Variants in DLGAP2 observed in about 807,000 individuals in gnomAD.
DLGAP2 encodes the protein disks large-associated protein 2.
A neutral mutation model predicts 100.3 loss-of-function variants in DLGAP2; 26 were observed. That is an observed-to-expected ratio of 0.26 (90% CI 0.19 to 0.36). The LOEUF (loss-of-function observed/expected upper bound fraction) is 0.36, where lower values mean the gene tolerates loss of function less well. Ranked by LOEUF, DLGAP2 falls within the 10% of genes least tolerant of loss-of-function variation. The pLI is 1.00. For synonymous variants in DLGAP2, 886 were observed against 630.1 expected, an observed-to-expected ratio of 1.41 and a Z score of -6.08; for missense variants, 1,858 against 1,453.2, an observed-to-expected ratio of 1.28 and a Z score of -4.53.
intron 2 of DLGAP2, among the ~76,000 whole-genome samples, chr8:1,228,356 C>G (rs1337575499): frequency 1.3e-5 from 2 of 152,178 alleles, no homozygotes; most frequent in African/African-American, 4.8e-5. Context: ...TTCAGATGGT[C>G]TCACTGGTGA....
At chr8:1,242,438 T>G (rs4976875) in intron 2 of DLGAP2, among the ~76,000 whole-genome samples, 119,038 of 152,170 alleles carry the variant, frequency 0.78, 46,919 homozygotes, top group Middle Eastern at 0.9. Context: ...CCGTCTGTTC[T>G]TTCCTGGCCA....
chr8:1,664,405 C>G (rs1798492272), intron 8 of DLGAP2, among the ~76,000 whole-genome samples: 1 of 152,296 alleles, frequency 6.6e-6, no homozygotes, highest in East Asian at 1.9e-4. Context: ...ACCCCAGTCT[C>G]TCTCTGGGCA....
At chr8:920,614 G>A (rs1289896551) in intron 2 of DLGAP2, among the ~76,000 whole-genome samples, 1 of 151,902 alleles carries the variant, frequency 6.6e-6, no homozygotes, top group African/African-American at 2.4e-5. Context: ...AGCCAGGTGT[G>A]GTGGTGCCCG....
chr8:1,134,806 A>T (rs1408395461), intron 2 of DLGAP2, among the ~76,000 whole-genome samples: 2 of 152,082 alleles, frequency 1.3e-5, no homozygotes, highest in Non-Finnish European at 2.9e-5. Context: ...CACAGAAAAA[A>T]ACACCATTTA....
At chr8:1,600,519 T>G (rs746870703) in intron 6 of DLGAP2, among the ~76,000 whole-genome samples, 1 of 152,238 alleles carries the variant, frequency 6.6e-6, no homozygotes, top group Non-Finnish European at 1.5e-5. Flanking sequence ...TAATCTAATG[T>G]AGGATTGGTC....
intron 3 of DLGAP2, among the ~76,000 whole-genome samples, chr8:1,322,348 C>G (rs996552744): frequency 9.2e-5 from 14 of 152,216 alleles, no homozygotes; most frequent in African/African-American, 1.4e-4. Flanking sequence ...ATAAATACAA[C>G]AAAGGCAAAT....
chr8:1,574,907 G>T (rs1802897474), intron 6 of DLGAP2, among the ~76,000 whole-genome samples: 1 of 152,222 alleles, frequency 6.6e-6, no homozygotes, highest in African/African-American at 2.4e-5. Context: ...GAGTCTTGAA[G>T]ATGTTTCTTC....
intron 1 of DLGAP2, among the ~76,000 whole-genome samples, chr8:818,120 A>C (rs949894096): frequency 2.6e-5 from 4 of 151,976 alleles, no homozygotes; most frequent in Non-Finnish European, 5.9e-5. Context: ...CCACCAGGTG[A>C]GGGGCAGGGA....
Position 1,639,726 on chromosome 8 carries a change from G to A in DLGAP2, c.1810+6680G>A, listed in dbSNP as rs77241576. 1.1e-3 allele frequency among the ~76,000 whole-genome samples: 173 copies of A among 152,330 alleles called. 3 individuals carry two copies. The East Asian group carries it at 0.03, about 26-fold the overall frequency. On this transcript the variant is annotated intron_variant, in intron 8 of 14. Coordinates refer to ENST00000637795, the MANE Select transcript of DLGAP2 (RefSeq NM_001346810.2). The stretch of plus-strand genomic sequence containing the variant: ...TGGGGCTAGCGTCAAACATCAGGTC[G>A]TTCTGGAGGCTTCCGGGGAGCCCGC...
chr8:1,166,233 C>G (rs1376832243), intron 2 of DLGAP2, among the ~76,000 whole-genome samples: 2 of 152,184 alleles, frequency 1.3e-5, no homozygotes, highest in Non-Finnish European at 1.5e-5. Context: ...TCCTTCTACC[C>G]TCCTGCTGCC....
At chr8:826,256 T>A (rs1184345760) in intron 1 of DLGAP2, among the ~76,000 whole-genome samples, 1 of 152,232 alleles carries the variant, frequency 6.6e-6, no homozygotes, top group Non-Finnish European at 1.5e-5. Context: ...TTCCAGATCT[T>A]GGCTGTTGTA....
intron 3 of DLGAP2, among the ~76,000 whole-genome samples, chr8:1,330,997 G>A (rs567517703): frequency 8.3e-5 from 11 of 132,836 alleles, no homozygotes; most frequent in Non-Finnish European, 1.4e-4. Context: ...TGGGAGCACC[G>A]CTTCATGGGG....
At position 737,695 on chromosome 8, in the gene DLGAP2, C is replaced by A; in HGVS notation, c.-113C>A. On this transcript the variant is annotated 5_prime_UTR_variant, in exon 1 of 15. Coordinates refer to ENST00000637795, the MANE Select transcript of DLGAP2 (RefSeq NM_001346810.2). ...GCGCCTGCGGCGGCGAACGGACGGACGGACCGCGGACGGACGTACTGACCC... is the reference window on the plus strand; with the variant it reads ...GCGCCTGCGGCGGCGAACGGACGGAAGGACCGCGGACGGACGTACTGACCC... The A allele has an allele frequency of 2.7e-6, 1 of 368,698 alleles. No homozygotes were observed. The highest frequency in any genetic ancestry group is 4.8e-6 in the Non-Finnish European group (1 of 206,648). The allele number at this position is 368,698 out of a possible 1,614,324, so 22.8% of individuals were successfully genotyped here.
At chr8:1,194,309 G>T (rs1797704084) in intron 2 of DLGAP2, among the ~76,000 whole-genome samples, 1 of 152,124 alleles carries the variant, frequency 6.6e-6, no homozygotes, top group South Asian at 2.1e-4. Flanking sequence ...GACGTTGGCA[G>T]TGCCGCGTCC....
In DLGAP2 at chr8:1,565,742, C is replaced by T; in HGVS notation, c.1290C>T (p.Cys430=). ...PTGGKDEEIP[C]RRMRSGSYIK... ...GTGGCAAAGATGAGGAGATTCCCTG[C>T]AGGAGAATGAGAAGTGGGAGTTACA... Residue 430 remains cysteine (C), a synonymous_variant, in exon 6 of 15, where the codon TGC becomes TGT. Coordinates refer to ENST00000637795, the MANE Select transcript of DLGAP2 (RefSeq NM_001346810.2). The T allele has an allele frequency of 1.2e-6, 2 of 1,613,720 alleles. No homozygotes were observed. Among genetic ancestry groups the T allele is most frequent in the Non-Finnish European group, 1.7e-6 (2 of 1,179,820 alleles).
chr8:1,255,632 G>GCCC (rs1799184319), intron 2 of DLGAP2, among the ~76,000 whole-genome samples: 1 of 140,960 alleles, frequency 7.1e-6, no homozygotes. Flanking sequence ...CTGTGTGTGT[G>GCCC]TGTCCTCATC....
chr8:1,196,275 T>G (rs12676586), intron 2 of DLGAP2, among the ~76,000 whole-genome samples: 1 of 152,012 alleles, frequency 6.6e-6, no homozygotes, highest in Admixed American at 6.6e-5. Context: ...CTGCATAGAG[T>G]AAAGCATTTG....
intron 3 of DLGAP2, among the ~76,000 whole-genome samples, chr8:1,472,132 C>CGCAGAGCAGGACAT (rs1798820149): frequency 6.6e-6 from 1 of 152,196 alleles, no homozygotes; most frequent in Non-Finnish European, 1.5e-5. Context: ...ACAGTGAGAA[C>CGCAGAGCAGGACAT]GCAGAGCAGG....
At chr8:1,036,109 C>T (rs1229787986) in intron 2 of DLGAP2, among the ~76,000 whole-genome samples, 1 of 144,162 alleles carries the variant, frequency 6.9e-6, no homozygotes, top group South Asian at 2.3e-4. Context: ...CGTGTCACCG[C>T]GAGTGGATTC....
Sources: allele counts gnomAD v4.1 joint callset (sites outside exome capture counted in the v4.1 genomes callset), GRCh38; gene constraint gnomAD v4.1.1; transcripts MANE v1.5; gene names NCBI Gene and HGNC (gene_info 2026-07-23, HGNC 2026-07-21).